SMAP1: variants seen among roughly 807,000 people sequenced by gnomAD.
SMAP1 encodes stromal membrane-associated protein 1.
Under a neutral mutation model 58.5 loss-of-function variants are expected in SMAP1, and 24 were observed. The observed-to-expected ratio is 0.41, with a 90% CI of 0.30 to 0.58. The LOEUF (loss-of-function observed/expected upper bound fraction) is 0.58, where lower values mean the gene tolerates loss of function less well. Among genes scored for constraint, SMAP1 ranks in the 20% least tolerant of loss-of-function variants. The pLI is 0.29. For synonymous variants in SMAP1, 216 were observed against 196.6 expected (o/e 1.10, Z -0.82); for missense variants, 563 against 566.3 (o/e 0.99, Z 0.06).
intron 4 of SMAP1, among the ~76,000 whole-genome samples, chr6:70,777,202 GT>G (rs1767581436): frequency 6.6e-6 from 1 of 152,040 alleles, no homozygotes; most frequent in African/African-American, 2.4e-5. Context: ...TCTTATTGTG[GT>G]TTTGATTTGC....
intron 2 of SMAP1, among the ~76,000 whole-genome samples, chr6:70,746,187 T>C (rs1582103366): frequency 6.6e-6 from 1 of 152,206 alleles, no homozygotes; most frequent in African/African-American, 2.4e-5. Context: ...CTGATTGCCC[T>C]GGCCAGAACT....
At chr6:70,826,386 CA>C (rs1770118167) in intron 6 of SMAP1, among the ~76,000 whole-genome samples, 1 of 151,704 alleles carries the variant, frequency 6.6e-6, no homozygotes, top group African/African-American at 2.4e-5. Flanking sequence ...ATGCAAAATT[CA>C]AAAGGATTTT....
intron 6 of SMAP1, among the ~76,000 whole-genome samples, chr6:70,815,614 A>G (rs1769586251): frequency 6.6e-6 from 1 of 152,144 alleles, no homozygotes; most frequent in Non-Finnish European, 1.5e-5. Context: ...AAAACTTTTA[A>G]TTCTGTTTCA....
chr6:70,803,810 T>A (rs1445923620), intron 6 of SMAP1, among the ~76,000 whole-genome samples: 7 of 152,234 alleles, frequency 4.6e-5, no homozygotes, highest in Non-Finnish European at 1.0e-4. Context: ...TTTGAATGAG[T>A]TTCTTAATCC....
rs1333516608 is a variant in SMAP1 at position 70,817,136 on chromosome 6, A to AT, written c.576+18400dup. Among the ~76,000 whole-genome samples the AT allele has an allele frequency of 4.4e-3, 624 of 143,398 alleles. 4 individuals are homozygous for AT. The highest frequency in any genetic ancestry group is 4.3e-3 in the Non-Finnish European group (291 of 66,960). The allele number at this position is 143,398 out of a possible 152,430, so 94.1% of individuals were successfully genotyped here. A position where few individuals can be genotyped will look rare whatever the true frequency, so the allele number is the denominator to read the frequency against. On this transcript the variant is annotated intron_variant, in intron 6 of 10. Coordinates refer to ENST00000370455, the MANE Select transcript of SMAP1 (RefSeq NM_001044305.3). ...TGTATTAGAATATATATATATATAT[A>AT]TATTTTTTTTTTGCCATATTCTCTG...
At chr6:70,736,815 T>G (rs188633092) in intron 2 of SMAP1, among the ~76,000 whole-genome samples, 24 of 152,374 alleles carry the variant, frequency 1.6e-4, no homozygotes, top group Non-Finnish European at 2.6e-4. Flanking sequence ...TTGCCTTATT[T>G]CTGATGTTCT....
intron 1 of SMAP1, among the ~76,000 whole-genome samples, chr6:70,701,523 A>G (rs1411346341): frequency 6.6e-6 from 1 of 152,208 alleles, no homozygotes; most frequent in Non-Finnish European, 1.5e-5. Flanking sequence ...GGGACTAGCC[A>G]GAACTCAGGT....
At chr6:70,848,358 A>G (rs1040056952) in intron 7 of SMAP1, among the ~76,000 whole-genome samples, 4 of 152,246 alleles carry the variant, frequency 2.6e-5, no homozygotes, top group African/African-American at 9.6e-5. Flanking sequence ...AATGATTTTT[A>G]GACTGTTTAA....
Position 70,760,880 on chromosome 6 carries a change from T to C in SMAP1, c.338+5815T>C, listed in dbSNP as rs1766719534. Among the ~76,000 whole-genome samples, 3 of 152,198 alleles carry C rather than the reference T, an allele frequency of 2.0e-5. No individual in the cohort carries two copies. The Middle Eastern group carries it at 0.01, about 518-fold the overall frequency. ...ATTTCTAATGTGGGATGTGGTTAAT[T>C]ATAGGCTGCATGTCCTAGTGCATGA... On this transcript the variant is annotated intron_variant, in intron 3 of 10. Coordinates refer to ENST00000370455, the MANE Select transcript of SMAP1 (RefSeq NM_001044305.3).
chr6:70,787,513 A>G (rs1006622116), intron 4 of SMAP1, among the ~76,000 whole-genome samples: 29 of 148,252 alleles, frequency 2.0e-4, no homozygotes, highest in Middle Eastern at 3.5e-3. Context: ...TGAACAGGCA[A>G]CCTACAAAAT....
intron 3 of SMAP1, among the ~76,000 whole-genome samples, chr6:70,765,068 T>C (rs748423052): frequency 1.1e-4 from 16 of 152,228 alleles, no homozygotes; most frequent in Admixed American, 3.3e-4. Flanking sequence ...CCCAAAGTGC[T>C]GGGATTACAG....
At chr6:70,807,475 C>G (rs1219789085) in intron 6 of SMAP1, among the ~76,000 whole-genome samples, 1 of 152,148 alleles carries the variant, frequency 6.6e-6, no homozygotes, top group Non-Finnish European at 1.5e-5. Context: ...CTGGACATTT[C>G]TATTTAATTC....
At chr6:70,791,553 G>A in intron 4 of SMAP1, 136 bp from the exon 5 acceptor site, 1 of 602,704 alleles carries the variant, frequency 1.7e-6, no homozygotes, top group South Asian at 2.5e-5. Flanking sequence ...TTGATGCATT[G>A]TTTTACTTTA....
chr6:70,815,904 G>A (rs75829143), intron 6 of SMAP1, among the ~76,000 whole-genome samples: 4,995 of 152,166 alleles, frequency 0.033, 305 homozygotes, highest in African/African-American at 0.11. Flanking sequence ...CCTGCAGTGT[G>A]TAAGGCAGGC....
At chr6:70,782,101 C>T (rs1439137007) in intron 4 of SMAP1, among the ~76,000 whole-genome samples, 1 of 152,148 alleles carries the variant, frequency 6.6e-6, no homozygotes, top group Non-Finnish European at 1.5e-5. Flanking sequence ...CTACTGCATT[C>T]ACTGACACCA....
chr6:70,762,891 TA>T lies in SMAP1; in HGVS notation c.338+7829del, dbSNP rs562037700. ...TTATTTATATAAAATACATTAAATA[TA>T]AATTAAGATTTCACAGATACATGTT... On this transcript the variant is annotated intron_variant, in intron 3 of 10. Coordinates refer to ENST00000370455, the MANE Select transcript of SMAP1 (RefSeq NM_001044305.3). 3.6e-3 allele frequency among the ~76,000 whole-genome samples: 553 copies of T among 152,066 alleles called. 2 individuals are homozygous for T. Among genetic ancestry groups the T allele is most frequent in the African/African-American group, 0.011 (463 of 41,536 alleles).
At chr6:70,784,579 A>G (rs1767917478) in intron 4 of SMAP1, among the ~76,000 whole-genome samples, 1 of 152,222 alleles carries the variant, frequency 6.6e-6, no homozygotes. Flanking sequence ...AGAGACACAC[A>G]TAGGCTCAAC....
chr6:70,811,271 G>A (rs1562178298), intron 6 of SMAP1, among the ~76,000 whole-genome samples: 1 of 152,106 alleles, frequency 6.6e-6, no homozygotes, highest in Non-Finnish European at 1.5e-5. Flanking sequence ...TGGCATTAGG[G>A]ATAGAGTGGC....
At chr6:70,785,154 C>T (rs952294076) in intron 4 of SMAP1, among the ~76,000 whole-genome samples, 3 of 152,280 alleles carry the variant, frequency 2.0e-5, no homozygotes, top group South Asian at 2.1e-4. Context: ...GAAACTCACT[C>T]GAAACCGCTC....
Sources: allele counts gnomAD v4.1 joint callset (sites outside exome capture counted in the v4.1 genomes callset), GRCh38; gene constraint gnomAD v4.1.1; transcripts MANE v1.5; gene names NCBI Gene and HGNC (gene_info 2026-07-23, HGNC 2026-07-21).